The following CCDC33 variants were observed in gnomAD, a reference collection of about 807,000 sequenced individuals.
CCDC33 encodes the protein coiled-coil domain containing 33, also known as coiled-coil domain-containing protein 33.
A neutral mutation model predicts 91.9 loss-of-function variants in CCDC33; 94 were observed. The observed-to-expected ratio is 1.02, with a 90% CI of 0.87 to 1.21. The LOEUF is 1.21. Ranked by LOEUF, CCDC33 falls within the 50% of genes most tolerant of loss-of-function variation. The pLI is 0.00. For synonymous variants in CCDC33, 396 were observed against 374.5 expected (o/e 1.06, Z -0.66); for missense variants, 940 against 935.5 (o/e 1.00, Z -0.06).
intron 12 of CCDC33, 115 bp downstream of exon 12, chr15:74,330,469 C>A: frequency 1.6e-6 from 2 of 1,250,112 alleles, no homozygotes; most frequent in Non-Finnish European, 2.2e-6. Flanking sequence ...TGGACTCTGG[C>A]AAATAGGAGC....
intron 2 of CCDC33, among the ~76,000 whole-genome samples, chr15:74,225,965 A>G (rs2074782101): frequency 6.6e-6 from 1 of 152,166 alleles, no homozygotes. Context: ...CCCAGGGAAG[A>G]TGGAGAATGC....
chr15:74,309,324 T>A (rs2059948154), intron 11 of CCDC33, among the ~76,000 whole-genome samples: 1 of 152,130 alleles, frequency 6.6e-6, no homozygotes, highest in Non-Finnish European at 1.5e-5. Flanking sequence ...TCACTCCACC[T>A]TGTACCCCTC....
chr15:74,295,049 A>G (rs1188927849), intron 10 of CCDC33, among the ~76,000 whole-genome samples: 2 of 152,210 alleles, frequency 1.3e-5, no homozygotes, highest in African/African-American at 4.8e-5. Flanking sequence ...GGTAAGATTG[A>G]AGGATGATAG....
At chr15:74,334,823 G>A (rs369747548) in intron 17 of CCDC33, 152 bp from the exon 18 acceptor site, 25 of 663,934 alleles carry the variant, frequency 3.8e-5, no homozygotes, top group Non-Finnish European at 5.6e-5. Flanking sequence ...CCCTCACCCC[G>A]CCACCCCTGA....
At chr15:74,310,522 G>A (rs2059971894) in intron 11 of CCDC33, among the ~76,000 whole-genome samples, 1 of 149,838 alleles carries the variant, frequency 6.7e-6, no homozygotes, top group South Asian at 2.1e-4. Context: ...GGGCGACAGA[G>A]GAGACTCCAT....
At chr15:74,231,900 G>A (rs2074983701), upstream of CCDC33, among the ~76,000 whole-genome samples, 1 of 152,176 alleles carries the variant, frequency 6.6e-6, no homozygotes, top group Non-Finnish European at 1.5e-5. Flanking sequence ...TATAATCCCA[G>A]CTATTGGGGA....
intron 4 of CCDC33, among the ~76,000 whole-genome samples, chr15:74,268,063 C>T (rs2076214347): frequency 6.6e-6 from 1 of 152,220 alleles, no homozygotes; most frequent in East Asian, 1.9e-4. Flanking sequence ...CCCTGGCTGT[C>T]TGTTCACTTA....
intron 1 of CCDC33, among the ~76,000 whole-genome samples, chr15:74,208,439 A>G (rs1189345331): frequency 6.6e-6 from 1 of 151,972 alleles, no homozygotes; most frequent in East Asian, 1.9e-4. Flanking sequence ...CTCCTTCCTC[A>G]CTGAGGACAT....
At chr15:74,261,689 T>C (rs2076028304) in intron 2 of CCDC33, among the ~76,000 whole-genome samples, 1 of 152,170 alleles carries the variant, frequency 6.6e-6, no homozygotes. Context: ...CCTGAGCCGT[T>C]TGACGGCTCT....
At chr15:74,273,830 A>ATTTT (rs34131427) in intron 7 of CCDC33, among the ~76,000 whole-genome samples, 7,219 of 132,390 alleles carry the variant, frequency 0.055, 351 homozygotes, top group African/African-American at 0.088. Flanking sequence ...GCAGTCTTGA[A>ATTTT]TTTTTTTTTT....
chr15:74,231,846 C>T (rs2074981671), upstream of CCDC33, among the ~76,000 whole-genome samples: 1 of 152,052 alleles, frequency 6.6e-6, no homozygotes, highest in South Asian at 2.1e-4. Context: ...GAAACCTTGT[C>T]TCTACTGAAA....
rs527403788 is a variant in CCDC33 at position 74,317,953 on chromosome 15, C to T, written c.1291-12236C>T. Among the ~76,000 whole-genome samples, 4 of 149,722 alleles carry T rather than the reference C, an allele frequency of 2.7e-5. No individual in the cohort carries two copies. In the South Asian group the frequency reaches 6.4e-4, roughly 24 times the overall value. On this transcript the variant is annotated intron_variant, in intron 11 of 18. Transcript: ENST00000398814. ...TTTCAAAAACATCCACCCATGTCTC[C>T]GCTGAACTAAAGAGAAAGGAATTTG...
At chr15:74,261,538 C>T (rs1443829832) in intron 2 of CCDC33, among the ~76,000 whole-genome samples, 2 of 152,176 alleles carry the variant, frequency 1.3e-5, no homozygotes, top group Non-Finnish European at 2.9e-5. Flanking sequence ...TGCCTCCCTC[C>T]GCAAGGTGTG....
intron 2 of CCDC33, among the ~76,000 whole-genome samples, chr15:74,261,843 G>C (rs1487159904): frequency 6.6e-6 from 1 of 152,224 alleles, no homozygotes; most frequent in Non-Finnish European, 1.5e-5. Flanking sequence ...CCTGGACCCA[G>C]CTCCAGGTTT....
chr15:74,309,418 G>A lies in CCDC33; in HGVS notation c.1290+13470G>A, dbSNP rs142937845. ...TGAATGCACAGAATGCCCTTCCTGA[G>A]CAGCTTGGTGGACCAGGGGTGGTCT... On this transcript the variant is annotated intron_variant, in intron 11 of 18. Transcript: ENST00000398814. 4.5e-3 allele frequency among the ~76,000 whole-genome samples: 678 copies of A among 152,316 alleles called. 5 individuals carry two copies. Among genetic ancestry groups the A allele is most frequent in the Non-Finnish European group, 5.4e-3 (366 of 68,026 alleles).
intron 11 of CCDC33, among the ~76,000 whole-genome samples, chr15:74,322,346 T>C (rs2060224710): frequency 6.6e-6 from 1 of 152,194 alleles, no homozygotes. Context: ...CTCTCTCCCA[T>C]ACACTTAGTT....
At chr15:74,208,504 G>A (rs1286299592) in intron 1 of CCDC33, among the ~76,000 whole-genome samples, 1 of 152,126 alleles carries the variant, frequency 6.6e-6, no homozygotes, top group Non-Finnish European at 1.5e-5. Context: ...GCTGACCACA[G>A]GACAGGGCTC....
chr15:74,304,015 A>T (rs1251097100), intron 11 of CCDC33: 1 of 152,230 alleles, frequency 6.6e-6, no homozygotes, highest in Admixed American at 6.5e-5. Flanking sequence ...AGAAATAAGG[A>T]TCACATCCCA....
intron 2 of CCDC33, among the ~76,000 whole-genome samples, chr15:74,210,177 TA>T (rs2074347578): frequency 6.6e-6 from 1 of 152,168 alleles, no homozygotes; most frequent in Admixed American, 6.5e-5. Flanking sequence ...AAGAGAAAAT[TA>T]ACCTTTGGCA....
Sources: gnomAD v4.1 joint callset for allele counts (sites outside exome capture counted in the v4.1 genomes callset) on GRCh38, gnomAD v4.1.1 for gene constraint, MANE v1.5 for transcripts, NCBI Gene and HGNC (gene_info 2026-07-23, HGNC 2026-07-21) for gene names.